The following ARHGAP26 variants were observed in gnomAD, a reference collection of about 807,000 sequenced individuals.
ARHGAP26 encodes the protein Rho GTPase activating protein 26.
A neutral mutation model predicts 104.8 loss-of-function variants in ARHGAP26; 38 were observed. That is an observed-to-expected ratio of 0.36 (90% confidence interval 0.28 to 0.48). ARHGAP26 has a LOEUF of 0.48. ARHGAP26 is among the 20% of genes least tolerant of loss of function. The pLI is 0.99. For missense variants in ARHGAP26, 704 were observed against 947.9 expected, an observed-to-expected ratio of 0.74 and a Z score of 3.38; for synonymous variants, 341 against 340.0, an observed-to-expected ratio of 1.00 and a Z score of -0.03.
intron 17 of ARHGAP26, among the ~76,000 whole-genome samples, chr5:143,067,031 C>A (rs71614924): frequency 6.6e-6 from 1 of 151,610 alleles, no homozygotes; most frequent in African/African-American, 2.4e-5. Flanking sequence ...TCCCCCTCCT[C>A]TGCCCCTCCC....
intron 1 of ARHGAP26, among the ~76,000 whole-genome samples, chr5:142,804,629 A>C (rs421116): frequency 0.12 from 18,855 of 151,656 alleles, 1,381 homozygotes; most frequent in East Asian, 0.24. Flanking sequence ...GTAGCTGGGA[A>C]TACAGGCATG....
intron 11 of ARHGAP26, among the ~76,000 whole-genome samples, chr5:143,008,394 C>T (rs1048985394): frequency 1.3e-5 from 2 of 152,162 alleles, no homozygotes; most frequent in African/African-American, 4.8e-5. Flanking sequence ...ATGGTGGACC[C>T]ACTTTGTCAT....
chr5:142,934,096 G>A lies in ARHGAP26; in HGVS notation c.1107+1971G>A, dbSNP rs528484368. Among the ~76,000 whole-genome samples the A allele has an allele frequency of 1.2e-4, 18 of 152,144 alleles. No homozygotes were observed. The East Asian group carries it at 3.3e-3, about 28-fold the overall frequency. Reference sequence around the variant, plus strand: ...AACAAAAAAACCCAAACCCACTACTGTCTCTCCCCCTGCCTCCAATAAGCT... The same window carrying A: ...AACAAAAAAACCCAAACCCACTACTATCTCTCCCCCTGCCTCCAATAAGCT... On this transcript the variant is annotated intron_variant, in intron 11 of 22. Coordinates refer to ENST00000645722, the MANE Select transcript of ARHGAP26 (RefSeq NM_001135608.3).
intron 20 of ARHGAP26, among the ~76,000 whole-genome samples, chr5:143,152,983 C>T (rs555092937): frequency 6.6e-6 from 1 of 152,266 alleles, no homozygotes; most frequent in East Asian, 1.9e-4. Flanking sequence ...GTTTAATATG[C>T]AGTGATAGTA....
At chr5:143,137,890 TAGA>T (rs1031873387) in intron 19 of ARHGAP26, among the ~76,000 whole-genome samples, 4 of 152,226 alleles carry the variant, frequency 2.6e-5, no homozygotes, top group African/African-American at 9.6e-5. Flanking sequence ...TGTTTGCTCT[TAGA>T]GGTGAATCTT....
intron 12 of ARHGAP26, among the ~76,000 whole-genome samples, chr5:143,033,930 A>G (rs1481590019): frequency 6.6e-6 from 1 of 152,214 alleles, no homozygotes; most frequent in Non-Finnish European, 1.5e-5. Flanking sequence ...CCCGTCTGAC[A>G]AATGCTTTCC....
At chr5:143,009,055 G>C (rs924746272) in intron 11 of ARHGAP26, among the ~76,000 whole-genome samples, 1 of 152,058 alleles carries the variant, frequency 6.6e-6, no homozygotes, top group African/African-American at 2.4e-5. Context: ...CCTGTGATTT[G>C]TATCAAAGAG....
At chr5:143,015,061 A>T (rs1779402277) in intron 12 of ARHGAP26, among the ~76,000 whole-genome samples, 1 of 151,924 alleles carries the variant, frequency 6.6e-6, no homozygotes, top group South Asian at 2.1e-4. Flanking sequence ...TTTACCCAGG[A>T]GTTTTGTATG....
intron 18 of ARHGAP26, among the ~76,000 whole-genome samples, chr5:143,123,420 G>A (rs1295316385): frequency 2.0e-5 from 3 of 152,208 alleles, no homozygotes; most frequent in Non-Finnish European, 4.4e-5. Flanking sequence ...CTAAGCATCC[G>A]TGGCTGTGCT....
intron 18 of ARHGAP26, among the ~76,000 whole-genome samples, 184 bp downstream of exon 18, chr5:143,121,331 C>T (rs375127811): frequency 6.6e-6 from 1 of 152,066 alleles, no homozygotes; most frequent in African/African-American, 2.4e-5. Flanking sequence ...AAGGTGTCAA[C>T]CGTGGTAGTT....
At chr5:143,163,155 A>G (rs1406132096) in intron 20 of ARHGAP26, among the ~76,000 whole-genome samples, 1 of 152,154 alleles carries the variant, frequency 6.6e-6, no homozygotes, top group Non-Finnish European at 1.5e-5. Context: ...GCACTGTGAA[A>G]AAGACTAAAA....
At chr5:142,875,481 T>C (rs1369361232) in intron 3 of ARHGAP26, among the ~76,000 whole-genome samples, 1 of 152,150 alleles carries the variant, frequency 6.6e-6, no homozygotes, top group Non-Finnish European at 1.5e-5. Context: ...TCGGATTCTC[T>C]ACCAGCAGAA....
intron 11 of ARHGAP26, among the ~76,000 whole-genome samples, chr5:142,951,330 G>C (rs1768357543): frequency 6.6e-6 from 1 of 152,214 alleles, no homozygotes; most frequent in South Asian, 2.1e-4. Flanking sequence ...AAAGTGCTGG[G>C]ATTACAGGCA....
intron 17 of ARHGAP26, among the ~76,000 whole-genome samples, chr5:143,083,528 C>T (rs925269496): frequency 2.6e-5 from 4 of 152,144 alleles, no homozygotes; most frequent in Non-Finnish European, 1.5e-5. Flanking sequence ...GACAGAGTTT[C>T]GCTCTTTTTG....
chr5:142,909,307 C>T (rs1292858555), intron 9 of ARHGAP26, among the ~76,000 whole-genome samples: 4 of 152,208 alleles, frequency 2.6e-5, no homozygotes, highest in Non-Finnish European at 4.4e-5. Context: ...CCTCTACAAG[C>T]ATTCCACTTC....
At chr5:143,210,560 C>T (rs1278556296) in intron 21 of ARHGAP26, among the ~76,000 whole-genome samples, 1 of 152,198 alleles carries the variant, frequency 6.6e-6, no homozygotes, top group Non-Finnish European at 1.5e-5. Context: ...CACATTCCCT[C>T]CGTATTTCCC....
At chr5:142,917,194 C>G (rs1762597629) in intron 10 of ARHGAP26, among the ~76,000 whole-genome samples, 1 of 152,116 alleles carries the variant, frequency 6.6e-6, no homozygotes, top group Non-Finnish European at 1.5e-5. Context: ...CATGCACCAC[C>G]ATGCCCAGCT....
intron 17 of ARHGAP26, among the ~76,000 whole-genome samples, chr5:143,117,920 T>C (rs916385230): frequency 6.6e-6 from 1 of 152,252 alleles, no homozygotes; most frequent in African/African-American, 2.4e-5. Flanking sequence ...TGAAAGCTCA[T>C]TGTGCACCTC....
chr5:143,061,604 A>G (rs1786719323), intron 17 of ARHGAP26, among the ~76,000 whole-genome samples: 1 of 152,150 alleles, frequency 6.6e-6, no homozygotes. Context: ...CCAGAGAGAT[A>G]TGGTATCATT....
Sources: gnomAD v4.1 joint callset for allele counts (sites outside exome capture counted in the v4.1 genomes callset) on GRCh38, gnomAD v4.1.1 for gene constraint, MANE v1.5 for transcripts, NCBI Gene and HGNC (gene_info 2026-07-23, HGNC 2026-07-21) for gene names.